Variants in SLC2A13 observed in about 807,000 individuals in gnomAD.
SLC2A13 encodes solute carrier family 2 member 13, also known as proton myo-inositol cotransporter.
A neutral mutation model predicts 64.4 loss-of-function variants in SLC2A13; 32 were observed. That is an observed-to-expected ratio of 0.50 (90% confidence interval 0.37 to 0.67). The LOEUF is 0.67. SLC2A13 is among the 30% of genes least tolerant of loss of function. SLC2A13 has a pLI of 0.00. For missense variants in SLC2A13, 743 were observed against 829.2 expected (o/e 0.90, Z 1.28); for synonymous variants, 338 against 327.1 (o/e 1.03, Z -0.36).
At chr12:39,952,191 C>T (rs1946243542) in intron 3 of SLC2A13, among the ~76,000 whole-genome samples, 1 of 152,148 alleles carries the variant, frequency 6.6e-6, no homozygotes, top group Non-Finnish European at 1.5e-5. Flanking sequence ...GGCATAATTA[C>T]TAAATGTGGC....
chr12:40,101,063 G>T (rs985606359), intron 1 of SLC2A13, among the ~76,000 whole-genome samples: 1 of 150,312 alleles, frequency 6.7e-6, no homozygotes, highest in South Asian at 2.1e-4. Context: ...GACTTTTCAC[G>T]TTTAAAAAGT....
intron 3 of SLC2A13, among the ~76,000 whole-genome samples, chr12:39,988,573 AGAAT>A (rs1330641922): frequency 2.0e-5 from 3 of 149,472 alleles, no homozygotes; most frequent in Non-Finnish European, 3.0e-5. Context: ...AAAGAGAAAA[AGAAT>A]GAATGAAAAA....
chr12:40,010,085 T>C (rs1381335836), intron 3 of SLC2A13, among the ~76,000 whole-genome samples: 8 of 152,208 alleles, frequency 5.3e-5, no homozygotes. Context: ...CAAGAAAACA[T>C]ATGCACTGAA....
At chr12:40,049,121 A>T (rs750151323) in intron 1 of SLC2A13, among the ~76,000 whole-genome samples, 3 of 152,032 alleles carry the variant, frequency 2.0e-5, no homozygotes, top group Non-Finnish European at 4.4e-5. Flanking sequence ...TTTAGTATTT[A>T]GTATTATTTA....
At chr12:40,071,646 T>C (rs1024806858) in intron 1 of SLC2A13, among the ~76,000 whole-genome samples, 1 of 152,142 alleles carries the variant, frequency 6.6e-6, no homozygotes, top group African/African-American at 2.4e-5. Flanking sequence ...GTGCTTTCAG[T>C]TTTGGAAGGT....
At chr12:39,884,989 A>G (rs148447300) in intron 4 of SLC2A13, among the ~76,000 whole-genome samples, 1 of 152,354 alleles carries the variant, frequency 6.6e-6, no homozygotes, top group East Asian at 1.9e-4. Flanking sequence ...CTGACTAGAA[A>G]AACCATAGTG....
chr12:39,895,988 T>G (rs550389668), intron 4 of SLC2A13, among the ~76,000 whole-genome samples: 9 of 131,282 alleles, frequency 6.9e-5, no homozygotes, highest in South Asian at 2.2e-4. Flanking sequence ...ATACATACAT[T>G]CATATATGTG....
At chr12:39,831,760 C>T (rs1014180024) in intron 6 of SLC2A13, among the ~76,000 whole-genome samples, 5 of 151,960 alleles carry the variant, frequency 3.3e-5, no homozygotes, top group African/African-American at 1.2e-4. Context: ...GAGCCTGGAA[C>T]CTCCCTCTTC....
intron 4 of SLC2A13, among the ~76,000 whole-genome samples, chr12:39,935,630 A>C (rs7960023): frequency 0.21 from 31,341 of 152,182 alleles, 3,445 homozygotes; most frequent in Admixed American, 0.26. Flanking sequence ...AATATAATAA[A>C]TAACTATTCA....
At chr12:39,981,292 A>G (rs1348855593) in intron 3 of SLC2A13, among the ~76,000 whole-genome samples, 1 of 151,636 alleles carries the variant, frequency 6.6e-6, no homozygotes, top group African/African-American at 2.4e-5. Flanking sequence ...AACACATTCA[A>G]AAGCTAGCAG....
chr12:39,905,975 G>A (rs1945264624), intron 4 of SLC2A13, among the ~76,000 whole-genome samples: 2 of 151,806 alleles, frequency 1.3e-5, no homozygotes, highest in South Asian at 4.1e-4. Flanking sequence ...TCCTAATTTT[G>A]TTTCCCTATT....
At chr12:40,098,056 T>G (rs931095388) in intron 1 of SLC2A13, among the ~76,000 whole-genome samples, 1 of 151,038 alleles carries the variant, frequency 6.6e-6, no homozygotes, top group Non-Finnish European at 1.5e-5. Flanking sequence ...TGTGTATATA[T>G]GTATATATGT....
chr12:39,773,535 T>C (rs989752649), intron 7 of SLC2A13, among the ~76,000 whole-genome samples: 2 of 152,152 alleles, frequency 1.3e-5, no homozygotes, highest in African/African-American at 4.8e-5. Flanking sequence ...ATGTTACCTC[T>C]CCATCATTTA....
rs1051639823 is a variant in SLC2A13, at chr12:39,985,629, A to C, written c.926-34264T>G. Among the ~76,000 whole-genome samples the C allele has an allele frequency of 1.6e-4, 24 of 152,154 alleles. 1 individual carries two copies. The highest frequency in any genetic ancestry group is 5.6e-4 in the African/African-American group (23 of 41,436). ...CTTTTAGGAAAGCATAAAACAATGT[A>C]CTGATACAGAAAGACACATCTAAAG... On this transcript the variant is annotated intron_variant, in intron 3 of 9. Transcript: ENST00000280871.
At chr12:40,048,267 A>C in intron 1 of SLC2A13, 57 bp from the exon 2 acceptor site, 1 of 1,528,114 alleles carries the variant, frequency 6.5e-7, no homozygotes. Flanking sequence ...CTGTTGCAAT[A>C]AATACTAATG....
intron 6 of SLC2A13, among the ~76,000 whole-genome samples, chr12:39,854,102 A>C (rs139056293): frequency 1.7e-3 from 242 of 145,976 alleles, no homozygotes; most frequent in African/African-American, 5.8e-3. Flanking sequence ...TGACATAAGC[A>C]AAAAAAAAAA....
intron 7 of SLC2A13, among the ~76,000 whole-genome samples, chr12:39,777,506 C>T (rs1369628228): frequency 6.6e-6 from 1 of 152,180 alleles, no homozygotes; most frequent in Non-Finnish European, 1.5e-5. Flanking sequence ...GGGCTCCACC[C>T]AGGGCCCGGG....
At chr12:39,901,994 A>G (rs1191799189) in intron 4 of SLC2A13, among the ~76,000 whole-genome samples, 1 of 152,104 alleles carries the variant, frequency 6.6e-6, no homozygotes, top group Admixed American at 6.6e-5. Flanking sequence ...CATATACACC[A>G]TGGAATACTA....
chr12:39,903,857 G>C (rs1168687004), intron 4 of SLC2A13, among the ~76,000 whole-genome samples: 3 of 152,054 alleles, frequency 2.0e-5, no homozygotes, highest in African/African-American at 7.2e-5. Context: ...AGATTGAGTG[G>C]CCTCTTATAT....
Sources: gnomAD v4.1 joint callset for allele counts (sites outside exome capture counted in the v4.1 genomes callset) on GRCh38, gnomAD v4.1.1 for gene constraint, MANE v1.5 for transcripts, NCBI Gene and HGNC (gene_info 2026-07-23, HGNC 2026-07-21) for gene names.